Variants in CABLES1 observed in about 807,000 individuals in gnomAD.
CABLES1 encodes CDK5 and ABL1 enzyme substrate 1.
In CABLES1, 36 loss-of-function variants were observed where a neutral mutation model predicts 57.8. The ratio of observed to expected loss-of-function variants is 0.62; its 90% CI spans 0.48 to 0.82. The LOEUF (loss-of-function observed/expected upper bound fraction) is 0.82. Ranked by LOEUF, CABLES1 falls within the 40% of genes least tolerant of loss-of-function variation. CABLES1 has a pLI of 0.00. For missense variants in CABLES1, 767 were observed against 836.6 expected, an observed-to-expected ratio of 0.92 and a Z score of 1.03; for synonymous variants, 374 against 363.0, an observed-to-expected ratio of 1.03 and a Z score of -0.35.
rs559018894 is a variant in CABLES1 at position 23,154,440 on chromosome 18, C to T, written c.845+17833C>T. ...AGCCATAGGGAAATTGCACATCCCACATCTGCCGATTCCTTAATCTTCTTG... is the reference window on the plus strand; with the variant it reads ...AGCCATAGGGAAATTGCACATCCCATATCTGCCGATTCCTTAATCTTCTTG... On this transcript the variant is annotated intron_variant, in intron 1 of 9. Coordinates refer to ENST00000256925, the MANE Select transcript of CABLES1 (RefSeq NM_001100619.3). Among the ~76,000 whole-genome samples the T allele has an allele frequency of 2.0e-5, 3 of 152,314 alleles. No individual in the cohort carries two copies. The South Asian group carries it at 6.2e-4, about 32-fold the overall frequency.
intron 1 of CABLES1, among the ~76,000 whole-genome samples, chr18:23,175,028 G>C (rs2047113470): frequency 1.3e-5 from 2 of 151,366 alleles, no homozygotes; most frequent in Non-Finnish European, 2.9e-5. Context: ...AAATTGAATT[G>C]GGCCTTGACA....
Position 23,246,651 on chromosome 18 carries a change from A to G in CABLES1, c.1447-6309A>G, listed in dbSNP as rs200925241. ...TGTGATCCGCCCACCTTGGCCTCCC[A>G]AAGTGCTGGGATTATATGCTTGAGC... On this transcript the variant is annotated intron_variant, in intron 7 of 9. Coordinates refer to ENST00000256925, the MANE Select transcript of CABLES1 (RefSeq NM_001100619.3). 2.6e-5 allele frequency among the ~76,000 whole-genome samples: 4 copies of G among 151,628 alleles called. No individual in the cohort carries two copies. The East Asian group carries it at 7.8e-4, about 30-fold the overall frequency.
At position 23,243,947 on chromosome 18, in the gene CABLES1, A is replaced by G. The variant is rs556665680; in HGVS notation, c.1446+6702A>G. 2.8e-4 allele frequency among the ~76,000 whole-genome samples: 42 copies of G among 149,284 alleles called. 1 individual carries two copies. The South Asian group carries it at 8.6e-3, about 31-fold the overall frequency. On this transcript the variant is annotated intron_variant, in intron 7 of 9. Coordinates refer to ENST00000256925, the MANE Select transcript of CABLES1 (RefSeq NM_001100619.3). ...CAAGATTTTGCAGCATCTGCTCTCT[A>G]TGTATTTGTCTCAGATTTTTGACAG...
chr18:23,182,133 T>C lies in CABLES1; in HGVS notation c.846-6705T>C, dbSNP rs115082605. Among the ~76,000 whole-genome samples the C allele has an allele frequency of 8.5e-3, 1,299 of 152,304 alleles. 21 individuals are homozygous for C. The highest frequency in any genetic ancestry group is 0.03 in the African/African-American group (1,242 of 41,556). On this transcript the variant is annotated intron_variant, in intron 1 of 9. Transcript: ENST00000256925. ...GGTATTTACCCAAGTCGTTTTCTGC[T>C]CTCAGAGCTCATGTTTTGCTCTCAG...
intron 1 of CABLES1, among the ~76,000 whole-genome samples, chr18:23,184,152 C>T (rs1328851286): frequency 6.6e-6 from 1 of 152,124 alleles, no homozygotes; most frequent in Non-Finnish European, 1.5e-5. Flanking sequence ...TCTTCTTTGT[C>T]TCAGAATATA....
At chr18:23,200,094 G>A (rs1369591386) in intron 3 of CABLES1, among the ~76,000 whole-genome samples, 2 of 152,180 alleles carry the variant, frequency 1.3e-5, no homozygotes, top group African/African-American at 4.8e-5. Context: ...AATAAACAGA[G>A]AGGCCTTTTA....
intron 1 of CABLES1, among the ~76,000 whole-genome samples, chr18:23,171,047 C>T (rs1190015706): frequency 1.3e-5 from 2 of 152,366 alleles, no homozygotes; most frequent in Non-Finnish European, 2.9e-5. Context: ...CCGCCTGCCT[C>T]GGCCTTCCAA....
chr18:23,181,180 C>T (rs986089601), intron 1 of CABLES1, among the ~76,000 whole-genome samples: 121 of 152,208 alleles, frequency 7.9e-4, no homozygotes, highest in African/African-American at 2.8e-3. Context: ...ACTGGGAATG[C>T]ATGTATTAAA....
intron 1 of CABLES1, among the ~76,000 whole-genome samples, chr18:23,174,627 A>G (rs1279960190): frequency 3.3e-5 from 5 of 150,718 alleles, no homozygotes; most frequent in Non-Finnish European, 7.4e-5. Flanking sequence ...ACCCACCACC[A>G]CACCCGGCTA....
At chr18:23,157,958 C>G (rs1049562237) in intron 1 of CABLES1, among the ~76,000 whole-genome samples, 1 of 152,062 alleles carries the variant, frequency 6.6e-6, no homozygotes, top group Admixed American at 6.6e-5. Context: ...AAAACATTTC[C>G]GATCCTTGGT....
At chr18:23,156,419 T>C (rs1383006063) in intron 1 of CABLES1, among the ~76,000 whole-genome samples, 4 of 152,232 alleles carry the variant, frequency 2.6e-5, no homozygotes, top group African/African-American at 9.6e-5. Context: ...GTGTTTCCTG[T>C]TTCGCTTCAG....
chr18:23,213,957 TTCTTC>T lies in CABLES1; in HGVS notation c.1011-18_1011-14del. The T allele has an allele frequency of 6.6e-7, 1 of 1,511,662 alleles. No individual in the cohort carries two copies. The highest frequency in any genetic ancestry group is 9.1e-7 in the Non-Finnish European group (1 of 1,100,768). The allele number at this position is 1,511,662 out of a possible 1,614,324, so 93.6% of individuals were successfully genotyped here. Reference sequence around the variant, plus strand: ...TTGCATTTAGTGTGTTTGTTGTTTGTTCTTCTTTTTATTTTTTAGAATAGTCCTTA... The same window carrying T: ...TTGCATTTAGTGTGTTTGTTGTTTGTTTTTTATTTTTTAGAATAGTCCTTA... On this transcript the variant is annotated splice_polypyrimidine_tract_variant and intron_variant, in intron 3 of 9. Transcript: ENST00000256925.
At chr18:23,164,668 T>C (rs1209119927) in intron 1 of CABLES1, among the ~76,000 whole-genome samples, 1 of 152,212 alleles carries the variant, frequency 6.6e-6, no homozygotes, top group South Asian at 2.1e-4. Context: ...TTTTTTTTTT[T>C]TTGCAGGATA....
intron 4 of CABLES1, among the ~76,000 whole-genome samples, chr18:23,218,954 T>G (rs527360431): frequency 6.6e-6 from 1 of 152,180 alleles, no homozygotes; most frequent in South Asian, 2.1e-4. Context: ...ACACTGGAGC[T>G]GCCCACAAAT....
chr18:23,222,793 C>T (rs1028506624), intron 4 of CABLES1, among the ~76,000 whole-genome samples: 1 of 152,104 alleles, frequency 6.6e-6, no homozygotes, highest in Non-Finnish European at 1.5e-5. Flanking sequence ...GGTGCTAACA[C>T]GGATGAGCTG....
At chr18:23,170,477 A>T (rs971396081) in intron 1 of CABLES1, among the ~76,000 whole-genome samples, 3 of 152,130 alleles carry the variant, frequency 2.0e-5, no homozygotes, top group African/African-American at 7.2e-5. Context: ...CCAAGACCAC[A>T]CACCCTAGCC....
chr18:23,192,559 C>T (rs1260679551), intron 2 of CABLES1, among the ~76,000 whole-genome samples: 1 of 152,180 alleles, frequency 6.6e-6, no homozygotes, highest in Non-Finnish European at 1.5e-5. Context: ...CCGCCTGAAC[C>T]CGCACACTGT....
chr18:23,200,404 C>T (rs1390869032), intron 3 of CABLES1, among the ~76,000 whole-genome samples: 1 of 152,048 alleles, frequency 6.6e-6, no homozygotes, highest in Non-Finnish European at 1.5e-5. Flanking sequence ...GGACTACAGG[C>T]ACCCGCCACC....
chr18:23,209,802 G>GAGACGTTGCCTTTTT (rs55688903), intron 3 of CABLES1, among the ~76,000 whole-genome samples: 46,811 of 151,612 alleles, frequency 0.31, 8,088 homozygotes, highest in Non-Finnish European at 0.4. Context: ...TGGCTGGTGA[G>GAGACGTTGCCTTTTT]AGACATTGCC....
Sources: gnomAD v4.1 joint callset for allele counts (sites outside exome capture counted in the v4.1 genomes callset) on GRCh38, gnomAD v4.1.1 for gene constraint, MANE v1.5 for transcripts, NCBI Gene and HGNC (gene_info 2026-07-23, HGNC 2026-07-21) for gene names.